ZEB2: variants seen among roughly 807,000 people sequenced by gnomAD.
ZEB2 encodes the protein zinc finger E-box-binding homeobox 2.
In ZEB2, 6 loss-of-function variants were observed where a neutral mutation model predicts 99.9. That is an observed-to-expected ratio of 0.06 (90% CI 0.03 to 0.12). The LOEUF is 0.12. Ranked by LOEUF, ZEB2 falls within the 10% of genes least tolerant of loss-of-function variation. The probability of loss-of-function intolerance (pLI) is 1.00; values close to 1 mark genes in which losing one functional copy is unlikely to be tolerated. For synonymous variants in ZEB2, 517 were observed against 542.5 expected, an observed-to-expected ratio of 0.95 and a Z score of 0.65; for missense variants, 969 against 1,502.8, an observed-to-expected ratio of 0.64 and a Z score of 5.87.
At chr2:144,458,659 C>T (rs1265674903) in intron 2 of ZEB2, among the ~76,000 whole-genome samples, 1 of 152,112 alleles carries the variant, frequency 6.6e-6, no homozygotes, top group East Asian at 1.9e-4. Context: ...GTAGGCAGCC[C>T]TTGAAAGATC....
At chr2:144,496,755 G>A (rs1704765668) in intron 2 of ZEB2, 2 of 152,140 alleles carry the variant, frequency 1.3e-5, no homozygotes, top group Non-Finnish European at 2.9e-5. Flanking sequence ...GTTGGGGCGA[G>A]ATCAGATGAC....
chr2:144,483,920 C>T (rs1169183785), intron 2 of ZEB2, among the ~76,000 whole-genome samples: 11 of 152,050 alleles, frequency 7.2e-5, no homozygotes, highest in Admixed American at 4.6e-4. Flanking sequence ...AGCATTCTGC[C>T]GTGAATATAG....
intron 2 of ZEB2, chr2:144,495,303 G>A (rs1573800315): frequency 6.6e-6 from 1 of 152,296 alleles, no homozygotes; most frequent in East Asian, 1.9e-4. Flanking sequence ...AAAATCTTCA[G>A]TATTTTTCAC....
chr2:144,484,006 G>C (rs139016737), intron 2 of ZEB2, among the ~76,000 whole-genome samples: 1 of 152,230 alleles, frequency 6.6e-6, no homozygotes, highest in East Asian at 1.9e-4. Flanking sequence ...AGCTTCAAAG[G>C]AGTCTTGGAG....
chr2:144,516,140 TG>T (rs1560660204), intron 2 of ZEB2: 1 of 151,996 alleles, frequency 6.6e-6, no homozygotes, highest in South Asian at 2.1e-4. Flanking sequence ...TTTCCGAGTC[TG>T]GGCTGGCGCT....
rs193222250 is a variant in ZEB2, at chr2:144,437,219, C to T, written c.74-7193G>A. 6.9e-4 allele frequency among the ~76,000 whole-genome samples: 105 copies of T among 152,264 alleles called. 1 individual carries two copies. The South Asian group carries it at 0.01, about 15-fold the overall frequency. On this transcript the variant is annotated intron_variant, in intron 2 of 9. Coordinates refer to ENST00000627532, the MANE Select transcript of ZEB2 (RefSeq NM_014795.4). ...TAATACTTAGCTATATTCCAGAACA[C>T]AAGTCAATAATGCCCTTTGATGGCT...
At position 144,404,162 on chromosome 2, in the gene ZEB2, G is replaced by A. The variant is rs747734484; in HGVS notation, c.593-32C>T. On this transcript the variant is annotated intron_variant, in intron 5 of 9. Coordinates refer to ENST00000627532, the MANE Select transcript of ZEB2 (RefSeq NM_014795.4). ...CCGAGAGACAGAGAGAGAGAGAAGC[G>A]GGCCAAAAGGTCAGTAAATCAATGG... The A allele has an allele frequency of 1.3e-5, 21 of 1,610,510 alleles. 1 individual carries two copies. Among genetic ancestry groups the A allele is most frequent in the South Asian group, 9.9e-5 (9 of 90,868 alleles).
intron 2 of ZEB2, among the ~76,000 whole-genome samples, chr2:144,464,952 G>A (rs1704251446): frequency 6.6e-6 from 1 of 152,158 alleles, no homozygotes; most frequent in South Asian, 2.1e-4. Flanking sequence ...ACATGGAGAA[G>A]CACTTTCCAA....
At chr2:144,406,122 C>G (rs1050808447) in intron 4 of ZEB2, among the ~76,000 whole-genome samples, 1 of 152,050 alleles carries the variant, frequency 6.6e-6, no homozygotes, top group Non-Finnish European at 1.5e-5. Context: ...CATACTAATT[C>G]TCTTTGGCAA....
At chr2:144,513,667 G>A (rs1450473605) in intron 2 of ZEB2, 1 of 1,535,066 alleles carries the variant, frequency 6.5e-7, no homozygotes, top group Non-Finnish European at 8.7e-7. Flanking sequence ...GAGGGAAGCA[G>A]GAGCATCCCA....
chr2:144,518,913 C>T (rs913550705), intron 1 of ZEB2: 2 of 152,150 alleles, frequency 1.3e-5, no homozygotes, highest in Non-Finnish European at 2.9e-5. Flanking sequence ...AGAGACAGGG[C>T]ATTTGTGCTG....
rs76347827 is a variant in ZEB2 at position 144,421,444 on chromosome 2, T to A, written c.403+3352A>T. On this transcript the variant is annotated intron_variant, in intron 4 of 9. Coordinates refer to ENST00000627532, the MANE Select transcript of ZEB2 (RefSeq NM_014795.4). Reference sequence around the variant, plus strand: ...TGTCAGGGAGAAGAAGTGGTAAACTTGTAGCTAGGAAGAAAGAATATGTAC... The same window carrying A: ...TGTCAGGGAGAAGAAGTGGTAAACTAGTAGCTAGGAAGAAAGAATATGTAC... Among the ~76,000 whole-genome samples the A allele has an allele frequency of 1.8e-3, 276 of 152,262 alleles. 2 individuals are homozygous for A. The highest frequency in any genetic ancestry group is 6.3e-3 in the African/African-American group (260 of 41,562).
intron 2 of ZEB2, among the ~76,000 whole-genome samples, chr2:144,442,047 G>A (rs373297839): frequency 6.6e-6 from 1 of 152,156 alleles, no homozygotes; most frequent in Non-Finnish European, 1.5e-5. Context: ...AATGTTAGAG[G>A]TTTAGGACAG....
Position 144,403,781 on chromosome 2 carries a change from CAATT to C in ZEB2, c.807+131_807+134del, listed in dbSNP as rs1324333938. ...GACCATCAAAAAATCATTTAGACCT[CAATT>C]AAAGCTATTACCATTAAAAGATCTG... On this transcript the variant is annotated intron_variant, in intron 6 of 9. Transcript: ENST00000627532. 18 of 1,111,940 alleles carry C rather than the reference CAATT, an allele frequency of 1.6e-5. No homozygotes were observed. The East Asian group carries it at 3.3e-4, about 20-fold the overall frequency. The allele number at this position is 1,111,940 out of a possible 1,614,324, so 68.9% of individuals were successfully genotyped here.
chr2:144,398,682 G>A lies in ZEB2; in HGVS notation c.2505C>T (p.Asn835=), dbSNP rs1560606146. Residue 835 remains asparagine (N), a synonymous_variant, in exon 8 of 10, where the codon AAC becomes AAT. Transcript: ENST00000627532. ...KEPKSIIATK[N]KTKASSISLD... is the part of the protein sequence containing the mutation. ...AACTGATGCTACTAGCTTTTGTTTT[G>A]TTCTTTGTGGCTATAATACTTTTGG... 16 of 1,613,916 alleles carry A rather than the reference G, an allele frequency of 9.9e-6. No homozygotes were observed. Among genetic ancestry groups the A allele is most frequent in the Non-Finnish European group, 1.4e-5 (16 of 1,179,960 alleles).
chr2:144,440,788 G>T (rs758446762), intron 2 of ZEB2, among the ~76,000 whole-genome samples: 1 of 151,618 alleles, frequency 6.6e-6, no homozygotes, highest in African/African-American at 2.4e-5. Flanking sequence ...TATATTGGTG[G>T]TGTAAATTGC....
chr2:144,421,769 T>C (rs539702944), intron 4 of ZEB2, among the ~76,000 whole-genome samples: 2 of 152,060 alleles, frequency 1.3e-5, no homozygotes, highest in East Asian at 1.9e-4. Context: ...GTAAATCTCA[T>C]AGTCCTGTGT....
intron 4 of ZEB2, among the ~76,000 whole-genome samples, chr2:144,417,689 G>A (rs1327396276): frequency 6.6e-6 from 1 of 152,158 alleles, no homozygotes; most frequent in African/African-American, 2.4e-5. Flanking sequence ...GAGGAGAGTA[G>A]GGGGAAGGGT....
chr2:144,405,298 A>C (rs1171154271), intron 4 of ZEB2: 3 of 395,102 alleles, frequency 7.6e-6, no homozygotes, highest in Admixed American at 4.2e-5. Context: ...AGAATGAAAG[A>C]AATTTAAAAT....
Sources: allele counts gnomAD v4.1 joint callset (sites outside exome capture counted in the v4.1 genomes callset), GRCh38; gene constraint gnomAD v4.1.1; transcripts MANE v1.5; gene names NCBI Gene and HGNC (gene_info 2026-07-23, HGNC 2026-07-21).